MYLK: variants seen among roughly 807,000 people sequenced by gnomAD.
MYLK encodes myosin light chain kinase, smooth muscle.
Under a neutral mutation model 203.4 loss-of-function variants are expected in MYLK, and 106 were observed. That is an observed-to-expected ratio of 0.52 (90% CI 0.45 to 0.61). MYLK has a LOEUF of 0.61. MYLK is among the 20% of genes least tolerant of loss of function. The probability of loss-of-function intolerance (pLI) is 0.00; values close to 1 mark genes in which losing one functional copy is unlikely to be tolerated. For missense variants in MYLK, 2,072 were observed against 2,442.3 expected (o/e 0.85, Z 3.20); for synonymous variants, 867 against 959.5 (o/e 0.90, Z 1.78).
chr3:123,667,693 A>G (rs1390817050), intron 20 of MYLK, among the ~76,000 whole-genome samples: 1 of 152,180 alleles, frequency 6.6e-6, no homozygotes, highest in Admixed American at 6.5e-5. Context: ...CAGACAAAAA[A>G]GAATATCAGT....
intron 3 of MYLK, among the ~76,000 whole-genome samples, chr3:123,797,692 G>A (rs1354853221): frequency 6.6e-6 from 1 of 152,178 alleles, no homozygotes; most frequent in Non-Finnish European, 1.5e-5. Flanking sequence ...GCTGTGAGCT[G>A]GGCAAGGTGC....
intron 29 of MYLK, among the ~76,000 whole-genome samples, chr3:123,631,892 C>G (rs2058441442): frequency 6.9e-6 from 1 of 145,956 alleles, no homozygotes; most frequent in Non-Finnish European, 1.5e-5. Context: ...TTTTTTGAGA[C>G]AGAGTGTTGC....
chr3:123,654,783 C>G (rs1306351891), intron 24 of MYLK, among the ~76,000 whole-genome samples: 1 of 137,426 alleles, frequency 7.3e-6, no homozygotes, highest in African/African-American at 2.8e-5. Flanking sequence ...GTGGTGCAAT[C>G]TTGGCTCACT....
Position 123,687,278 on chromosome 3 carries a change from G to A in MYLK, c.3566-4968C>T, listed in dbSNP as rs79437691. Among the ~76,000 whole-genome samples, 614 of 152,262 alleles carry A rather than the reference G, an allele frequency of 4.0e-3. 2 individuals carry two copies. The highest frequency in any genetic ancestry group is 6.8e-3 in the South Asian group (33 of 4,826). ...GGAGCAGACTTAGTAATATGGCAGG[G>A]CTGAGGCCAAGAAAGGAGGGGTGGA... is the stretch of plus-strand genomic sequence containing the variant. On this transcript the variant is annotated intron_variant, in intron 19 of 33. Transcript: ENST00000360304.
At chr3:123,664,440 C>T (rs1026590569) in intron 22 of MYLK, among the ~76,000 whole-genome samples, 182 bp from the exon 23 acceptor site, 3 of 151,252 alleles carry the variant, frequency 2.0e-5, no homozygotes, top group African/African-American at 4.8e-5. Context: ...CAGAGTCCAG[C>T]TTCCCTGAGG....
At position 123,629,958 on chromosome 3, in the gene MYLK, C is replaced by A; in HGVS notation, c.4962-332G>T. On this transcript the variant is annotated intron_variant, in intron 29 of 33. Coordinates refer to ENST00000360304, the MANE Select transcript of MYLK (RefSeq NM_053025.4). The surrounding 1 kb of genome is among the most constrained non-coding windows in gnomAD (Gnocchi z 4.4). ...TTTCTATTATTCCCCAAAGCCCAGG[C>A]TAGAGCCTTCTCCAAGCCCCTTCCT... 3.0e-6 allele frequency: 1 copy of A among 338,822 alleles called. No homozygotes were observed. The highest frequency in any genetic ancestry group is 2.9e-5 in the South Asian group (1 of 34,956). The allele number at this position is 338,822 out of a possible 1,614,324, so 21.0% of individuals were successfully genotyped here. A position where few individuals can be genotyped will look rare whatever the true frequency, so the allele number is the denominator to read the frequency against.
At chr3:123,625,822 AG>A (rs1235215892) in intron 31 of MYLK, among the ~76,000 whole-genome samples, 1 of 148,816 alleles carries the variant, frequency 6.7e-6, no homozygotes, top group South Asian at 2.1e-4. Context: ...AAAAAAAAAA[AG>A]AATTGTAATT....
intron 2 of MYLK, among the ~76,000 whole-genome samples, chr3:123,854,091 A>G (rs922838924): frequency 1.3e-5 from 2 of 150,840 alleles, no homozygotes; most frequent in African/African-American, 4.9e-5. Flanking sequence ...AGGATCAGAC[A>G]GTCAACTTCC....
At position 123,640,337 on chromosome 3, in the gene MYLK, T is replaced by C. The variant is rs774100340; in HGVS notation, c.4787A>G (p.Lys1596Arg). Residue 1596 changes from lysine (K) to arginine (R), a missense_variant, in exon 28 of 34, where the codon AAG becomes AGG. Around this residue, in one of 3 missense-constraint regions of MYLK, gnomAD observed 524 missense variants for 782.4 expected, o/e 0.67. Coordinates refer to ENST00000360304, the MANE Select transcript of MYLK (RefSeq NM_053025.4). The surrounding 1 kb of genome is among the most constrained non-coding windows in gnomAD (Gnocchi z 4.3). ...GATGAGCTTGATCCTGGTGCCCGTC[T>C]TGTTGACACACATGATGTTCTCCGG... ...LKPENIMCVN[K>R]TGTRIKLIDF... is the part of the protein sequence containing the mutation. 5.0e-6 allele frequency: 8 copies of C among 1,613,896 alleles called. No homozygotes were observed. The East Asian group carries it at 1.6e-4, about 31-fold the overall frequency.
intron 8 of MYLK, among the ~76,000 whole-genome samples, chr3:123,736,112 G>C (rs1027458910): frequency 2.6e-5 from 4 of 152,182 alleles, no homozygotes; most frequent in African/African-American, 9.7e-5. Context: ...ATTCAGCAGT[G>C]AGCCACCAAG....
At chr3:123,740,200 C>G (rs553493197) in intron 5 of MYLK, among the ~76,000 whole-genome samples, 199 bp from the exon 6 acceptor site, 2 of 152,110 alleles carry the variant, frequency 1.3e-5, no homozygotes, top group South Asian at 2.1e-4. Context: ...TTTTATGAAG[C>G]TGATACTACA....
At chr3:123,615,810 A>G (rs1175615247) in intron 33 of MYLK, among the ~76,000 whole-genome samples, 1 of 146,164 alleles carries the variant, frequency 6.8e-6, no homozygotes, top group Non-Finnish European at 1.5e-5. Flanking sequence ...CACCACACCC[A>G]GCTAATTTTC....
intron 2 of MYLK, among the ~76,000 whole-genome samples, chr3:123,846,057 G>A (rs903684986): frequency 3.9e-5 from 6 of 152,090 alleles, no homozygotes; most frequent in Admixed American, 3.9e-4. Flanking sequence ...TATGTTCCAG[G>A]ATCTAATCCA....
chr3:123,664,503 G>C (rs80015988), intron 22 of MYLK, among the ~76,000 whole-genome samples: 1 of 120,166 alleles, frequency 8.3e-6, no homozygotes, highest in Non-Finnish European at 1.8e-5. Context: ...AGGATGGATG[G>C]ATGAACTAGC....
At chr3:123,638,885 G>A (rs2058737268) in intron 28 of MYLK, 26 of 985,454 alleles carry the variant, frequency 2.6e-5, no homozygotes, top group Non-Finnish European at 3.0e-5. Context: ...CAAAAGGCAG[G>A]TACCTGTGGG....
At chr3:123,725,536 T>C (rs2062248739) in intron 12 of MYLK, among the ~76,000 whole-genome samples, 1 of 152,232 alleles carries the variant, frequency 6.6e-6, no homozygotes, top group Non-Finnish European at 1.5e-5. Context: ...GGTTCATTAG[T>C]TTATTCATTT....
intron 15 of MYLK, 133 bp from the exon 16 acceptor site, chr3:123,708,136 A>G (rs188924735): frequency 4.6e-6 from 6 of 1,297,904 alleles, no homozygotes; most frequent in Non-Finnish European, 6.5e-6. Flanking sequence ...AATCACTGTG[A>G]TTGGATACAC....
intron 3 of MYLK, among the ~76,000 whole-genome samples, chr3:123,819,161 A>G (rs1300381556): frequency 6.6e-6 from 1 of 152,218 alleles, no homozygotes; most frequent in Non-Finnish European, 1.5e-5. Context: ...TGTCTCTCAC[A>G]GTTTTGCACA....
intron 19 of MYLK, among the ~76,000 whole-genome samples, chr3:123,683,920 C>T (rs1026587864): frequency 3.9e-5 from 6 of 152,274 alleles, no homozygotes; most frequent in Admixed American, 1.3e-4. Context: ...ACCTCCCATA[C>T]GGGCAAAGGA....
Sources: allele counts gnomAD v4.1 joint callset (sites outside exome capture counted in the v4.1 genomes callset), GRCh38; gene constraint gnomAD v4.1.1; regional missense constraint gnomAD v4.1.1; non-coding constraint Gnocchi (gnomAD v3.1); transcripts MANE v1.5; gene names NCBI Gene and HGNC (gene_info 2026-07-23, HGNC 2026-07-21).